LRRC4C: variants seen among roughly 807,000 people sequenced by gnomAD.
LRRC4C encodes leucine rich repeat containing 4C.
In LRRC4C, 5 loss-of-function variants were observed where a neutral mutation model predicts 33.6. The ratio of observed to expected loss-of-function variants is 0.15; its 90% CI spans 0.08 to 0.31. The LOEUF (loss-of-function observed/expected upper bound fraction) is 0.31. Ranked by LOEUF, LRRC4C falls within the 10% of genes least tolerant of loss-of-function variation. LRRC4C has a pLI of 1.00. For synonymous variants in LRRC4C, 329 were observed against 302.0 expected, an observed-to-expected ratio of 1.09 and a Z score of -0.93; for missense variants, 560 against 796.7, an observed-to-expected ratio of 0.70 and a Z score of 3.58.
chr11:41,333,902 G>T (rs113102185), intron 1 of LRRC4C, among the ~76,000 whole-genome samples: 5 of 152,100 alleles, frequency 3.3e-5, no homozygotes, highest in Non-Finnish European at 5.9e-5. Flanking sequence ...TGTTTAAAAA[G>T]TTCATTATTA....
At chr11:40,483,329 AAT>A (rs1291465842) in intron 3 of LRRC4C, among the ~76,000 whole-genome samples, 2 of 152,288 alleles carry the variant, frequency 1.3e-5, no homozygotes, top group Admixed American at 6.5e-5. Context: ...AGGGGCTAAA[AAT>A]ATCTGGTGAC....
chr11:41,003,254 T>C (rs917125721), intron 1 of LRRC4C, among the ~76,000 whole-genome samples: 1 of 152,172 alleles, frequency 6.6e-6, no homozygotes, highest in African/African-American at 2.4e-5. Flanking sequence ...GGAGTAATCA[T>C]AATTCAATTT....
At chr11:40,152,505 A>G (rs1858306638) in intron 5 of LRRC4C, among the ~76,000 whole-genome samples, 1 of 152,140 alleles carries the variant, frequency 6.6e-6, no homozygotes, top group East Asian at 1.9e-4. Flanking sequence ...GAAGAACTAA[A>G]GCCATTTTCT....
At chr11:41,174,073 A>G (rs541143491) in intron 1 of LRRC4C, among the ~76,000 whole-genome samples, 2 of 152,228 alleles carry the variant, frequency 1.3e-5, no homozygotes, top group Admixed American at 1.3e-4. Context: ...ACAGATGACC[A>G]ATGAAATCAT....
chr11:41,021,897 G>A (rs1183042648), intron 1 of LRRC4C, among the ~76,000 whole-genome samples: 1 of 151,850 alleles, frequency 6.6e-6, no homozygotes, highest in African/African-American at 2.4e-5. Context: ...TTAAGCAGTA[G>A]TTTCATATAT....
At chr11:40,686,691 T>C (rs1455832885) in intron 2 of LRRC4C, among the ~76,000 whole-genome samples, 1 of 152,110 alleles carries the variant, frequency 6.6e-6, no homozygotes, top group East Asian at 1.9e-4. Flanking sequence ...TTTTTAAAAG[T>C]CTTATTTAAT....
intron 1 of LRRC4C, among the ~76,000 whole-genome samples, chr11:40,983,474 G>A (rs1003156214): frequency 1.3e-5 from 2 of 152,114 alleles, no homozygotes; most frequent in Non-Finnish European, 2.9e-5. Flanking sequence ...TCTGGATGAA[G>A]ACTCCAAAAG....
intron 2 of LRRC4C, among the ~76,000 whole-genome samples, chr11:40,822,447 C>T (rs1283372427): frequency 1.3e-5 from 2 of 151,562 alleles, no homozygotes; most frequent in African/African-American, 2.4e-5. Flanking sequence ...TCTATCTTGG[C>T]TATTGTGAAT....
chr11:40,800,693 A>G (rs1319910468), intron 2 of LRRC4C, among the ~76,000 whole-genome samples: 2 of 152,140 alleles, frequency 1.3e-5, no homozygotes, highest in East Asian at 3.9e-4. Flanking sequence ...TCTTGCCACT[A>G]TACCACACTG....
At chr11:40,949,804 T>C (rs1262493476) in intron 1 of LRRC4C, among the ~76,000 whole-genome samples, 2 of 151,802 alleles carry the variant, frequency 1.3e-5, no homozygotes, top group Non-Finnish European at 2.9e-5. Flanking sequence ...AGAAACTGCA[T>C]CAACTAACGA....
At chr11:40,814,851 C>T (rs1951641993) in intron 2 of LRRC4C, among the ~76,000 whole-genome samples, 1 of 152,090 alleles carries the variant, frequency 6.6e-6, no homozygotes, top group South Asian at 2.1e-4. Flanking sequence ...TCTGAGACCA[C>T]TTCAACCTGT....
intron 1 of LRRC4C, among the ~76,000 whole-genome samples, chr11:40,945,998 T>C (rs1335393063): frequency 1.3e-5 from 2 of 152,228 alleles, no homozygotes; most frequent in African/African-American, 4.8e-5. Context: ...GTATATTGCA[T>C]AATGCTGAGG....
intron 3 of LRRC4C, among the ~76,000 whole-genome samples, chr11:40,326,814 T>C (rs1049417900): frequency 6.6e-6 from 1 of 152,116 alleles, no homozygotes; most frequent in Non-Finnish European, 1.5e-5. Flanking sequence ...GAGAGAGCAA[T>C]TGATCTGAGT....
At chr11:41,245,294 G>A (rs983825119) in intron 1 of LRRC4C, among the ~76,000 whole-genome samples, 2 of 152,238 alleles carry the variant, frequency 1.3e-5, no homozygotes, top group Non-Finnish European at 2.9e-5. Context: ...CAGGCTGCAC[G>A]CAGTTCATGT....
intron 3 of LRRC4C, chr11:40,446,782 T>C (rs1480781272): frequency 6.6e-6 from 1 of 152,118 alleles, no homozygotes; most frequent in Non-Finnish European, 1.5e-5. Context: ...TGCCAAACAC[T>C]TATAAAACCA....
intron 3 of LRRC4C, among the ~76,000 whole-genome samples, chr11:40,556,831 G>C (rs1225990744): frequency 6.6e-6 from 1 of 152,144 alleles, no homozygotes; most frequent in Non-Finnish European, 1.5e-5. Context: ...ATGTGTGCAA[G>C]GCATGTTTCA....
intron 3 of LRRC4C, among the ~76,000 whole-genome samples, chr11:40,623,883 C>G (rs113975362): frequency 8.9e-4 from 135 of 152,142 alleles, no homozygotes; most frequent in Middle Eastern, 3.4e-3. Context: ...ATTATAAACC[C>G]TCTACATTAT....
At chr11:40,633,047 C>A (rs577693762) in intron 3 of LRRC4C, among the ~76,000 whole-genome samples, 1 of 151,990 alleles carries the variant, frequency 6.6e-6, no homozygotes, top group Non-Finnish European at 1.5e-5. Flanking sequence ...TGTCCTTTTT[C>A]CTCTTCTTAC....
intron 4 of LRRC4C, among the ~76,000 whole-genome samples, chr11:40,302,883 T>C (rs985726738): frequency 2.6e-5 from 4 of 152,166 alleles, no homozygotes; most frequent in Non-Finnish European, 4.4e-5. Flanking sequence ...TAGACCTCAG[T>C]CTGAATCTGA....
Sources: allele counts gnomAD v4.1 joint callset (sites outside exome capture counted in the v4.1 genomes callset), GRCh38; gene constraint gnomAD v4.1.1; transcripts MANE v1.5; gene names NCBI Gene and HGNC (gene_info 2026-07-23, HGNC 2026-07-21).